RBFOX1: variants seen among roughly 807,000 people sequenced by gnomAD.
The protein encoded by RBFOX1 is RNA binding protein fox-1 homolog 1.
Under a neutral mutation model 57.7 loss-of-function variants are expected in RBFOX1, and 8 were observed. The observed-to-expected ratio is 0.14, with a 90% CI of 0.08 to 0.25. RBFOX1 has a LOEUF of 0.25. RBFOX1 is among the 10% of genes least tolerant of loss of function. RBFOX1 has a pLI of 1.00. For missense variants in RBFOX1, 611 were observed against 548.5 expected, an observed-to-expected ratio of 1.11 and a Z score of -1.14; for synonymous variants, 326 against 222.4, an observed-to-expected ratio of 1.47 and a Z score of -4.15.
chr16:7,650,634 G>A (rs2064848747), intron 11 of RBFOX1, among the ~76,000 whole-genome samples: 1 of 152,148 alleles, frequency 6.6e-6, no homozygotes, highest in African/African-American at 2.4e-5. Context: ...AAGAATTATT[G>A]TAAAAGCTGC....
intron 4 of RBFOX1, among the ~76,000 whole-genome samples, chr16:5,892,733 G>T (rs141959783): frequency 2.0e-5 from 3 of 152,306 alleles, no homozygotes; most frequent in Non-Finnish European, 2.9e-5. Context: ...AGCCTGTCCA[G>T]GGGTAGTGGG....
At chr16:7,649,292 A>G (rs1443397032) in intron 11 of RBFOX1, among the ~76,000 whole-genome samples, 2 of 152,210 alleles carry the variant, frequency 1.3e-5, no homozygotes, top group African/African-American at 2.4e-5. Context: ...CTTAATTACT[A>G]TATTTTGCAA....
chr16:5,995,178 C>G (rs900218339), intron 4 of RBFOX1, among the ~76,000 whole-genome samples: 2 of 152,176 alleles, frequency 1.3e-5, no homozygotes, highest in Non-Finnish European at 2.9e-5. Flanking sequence ...ATTAAATATT[C>G]CTTACCATTA....
chr16:6,914,573 A>AC (rs2153440175), intron 3 of RBFOX1, among the ~76,000 whole-genome samples: 1 of 152,116 alleles, frequency 6.6e-6, no homozygotes, highest in African/African-American at 2.4e-5. Context: ...TAAAAAAAAA[A>AC]ACCCAAAACA....
intron 1 of RBFOX1, among the ~76,000 whole-genome samples, chr16:6,301,961 C>G (rs1433524744): frequency 6.6e-6 from 1 of 152,034 alleles, no homozygotes; most frequent in Non-Finnish European, 1.5e-5. Context: ...GTAAATGCCC[C>G]AATATCAAAC....
At chr16:5,753,310 A>G (rs1233031703) in intron 3 of RBFOX1, among the ~76,000 whole-genome samples, 1 of 152,214 alleles carries the variant, frequency 6.6e-6, no homozygotes, top group Non-Finnish European at 1.5e-5. Context: ...ACTTAAAAAA[A>G]TCCTCATAGG....
rs146588527 is a variant in RBFOX1, at chr16:6,265,450, C to T, written c.-126-51545C>T. ...CTAATTTTTGTATTTGTAGTAGAGACGGGGTTTCACCATGTTGGCCAGGCT... is the reference window on the plus strand; with the variant it reads ...CTAATTTTTGTATTTGTAGTAGAGATGGGGTTTCACCATGTTGGCCAGGCT... On this transcript the variant is annotated intron_variant, in intron 1 of 15. Transcript: ENST00000550418. 3.1e-4 allele frequency among the ~76,000 whole-genome samples: 47 copies of T among 152,064 alleles called. No homozygotes were observed. In the East Asian group the frequency reaches 5.4e-3, roughly 18 times the overall value.
Position 5,499,156 on chromosome 16 carries a change from C to T in RBFOX1, c.258+31902C>T, listed in dbSNP as rs541726788. On this transcript the variant is annotated intron_variant, in intron 2 of 2. Transcript: ENST00000585867. ...TTCATCTTCTGTTCTAGGTCATAAG[C>T]TCTGAGGGTAGAAACTGGCTATATT... Among the ~76,000 whole-genome samples, 13 of 152,302 alleles carry T rather than the reference C, an allele frequency of 8.5e-5. No individual in the cohort carries two copies. In the South Asian group the frequency reaches 2.7e-3, roughly 32 times the overall value.
chr16:6,636,357 A>G (rs1386512193), intron 2 of RBFOX1, among the ~76,000 whole-genome samples: 1 of 151,906 alleles, frequency 6.6e-6, no homozygotes, highest in African/African-American at 2.4e-5. Context: ...TTTTCAGTAG[A>G]GATGGGGTTT....
rs561617055 is a variant in RBFOX1 at position 6,884,525 on chromosome 16, A to G, written c.-15-167532A>G. ...CAAGGAACTGTGTTGATGACATGTT[A>G]CATGTACATCATCTGTTACATTATC... On this transcript the variant is annotated intron_variant, in intron 3 of 15. Coordinates refer to ENST00000550418, the MANE Select transcript of RBFOX1 (RefSeq NM_018723.4). 8.5e-5 allele frequency among the ~76,000 whole-genome samples: 13 copies of G among 152,190 alleles called. 1 individual carries two copies. The highest frequency in any genetic ancestry group is 1.8e-4 in the Non-Finnish European group (12 of 68,022).
At chr16:7,109,309 C>A (rs547723890) in intron 4 of RBFOX1, among the ~76,000 whole-genome samples, 1 of 152,104 alleles carries the variant, frequency 6.6e-6, no homozygotes, top group African/African-American at 2.4e-5. Flanking sequence ...CTCCCTTGAC[C>A]ATGCCGTGAA....
intron 5 of RBFOX1, among the ~76,000 whole-genome samples, chr16:7,565,072 G>T (rs2091349597): frequency 6.6e-6 from 1 of 152,180 alleles, no homozygotes; most frequent in South Asian, 2.1e-4. Context: ...GAAGCTGGGA[G>T]GATCTGCACG....
chr16:5,257,716 G>A (rs935420800), intron 1 of RBFOX1, among the ~76,000 whole-genome samples: 1 of 152,090 alleles, frequency 6.6e-6, no homozygotes, highest in African/African-American at 2.4e-5. Context: ...GACTGAGCTG[G>A]GAGAGTCCCC....
At chr16:7,532,945 T>C (rs539699706) in intron 5 of RBFOX1, among the ~76,000 whole-genome samples, 4 of 152,356 alleles carry the variant, frequency 2.6e-5, no homozygotes, top group African/African-American at 7.2e-5. Context: ...GGCCATTTTA[T>C]TGGACTCACA....
chr16:6,645,921 G>A (rs2098530556), intron 2 of RBFOX1, among the ~76,000 whole-genome samples: 1 of 152,110 alleles, frequency 6.6e-6, no homozygotes, highest in Admixed American at 6.5e-5. Flanking sequence ...GTGTGGTTGA[G>A]TCCGGTAGGA....
intron 4 of RBFOX1, among the ~76,000 whole-genome samples, chr16:7,427,012 G>C (rs1403445214): frequency 6.6e-6 from 1 of 152,314 alleles, no homozygotes; most frequent in East Asian, 1.9e-4. Context: ...ACTATTGAAA[G>C]GACAGAAAAC....
At chr16:6,443,293 C>G (rs116880314) in intron 2 of RBFOX1, among the ~76,000 whole-genome samples, 1 of 152,100 alleles carries the variant, frequency 6.6e-6, no homozygotes, top group African/African-American at 2.4e-5. Flanking sequence ...CTATCTCTCA[C>G]GTTCATTCTC....
Position 5,713,177 on chromosome 16 carries a change from G to A in RBFOX1, c.318+114216G>A, listed in dbSNP as rs145124181. 6.6e-4 allele frequency among the ~76,000 whole-genome samples: 100 copies of A among 152,304 alleles called. 1 individual carries two copies. The highest frequency in any genetic ancestry group is 1.1e-3 in the Non-Finnish European group (77 of 68,024). On this transcript the variant is annotated intron_variant, in intron 3 of 19. Coordinates refer to the RBFOX1 transcript ENST00000641259. ...ATTTCTTGTTCTGTGTAATCATACTGTCTTTTTATTTGCTTAAGCCATTTG... is the reference window on the plus strand; with the variant it reads ...ATTTCTTGTTCTGTGTAATCATACTATCTTTTTATTTGCTTAAGCCATTTG...
rs753217179 is a variant in RBFOX1 at position 6,019,852 on chromosome 16, C to G, written c.-267C>G. The G allele has an allele frequency of 6.5e-7, 1 of 1,530,104 alleles. No individual in the cohort carries two copies. The highest frequency in any genetic ancestry group is 2.5e-5 in the East Asian group (1 of 40,568). 94.8% of individuals were successfully genotyped at this position (1,530,104 alleles called of 1,614,324 possible). A position where few individuals can be genotyped will look rare whatever the true frequency, so the allele number is the denominator to read the frequency against. Reference sequence around the variant, plus strand: ...CGGGGCTGACCTGCCCGCGAAGTTGCGGACAGTGCGTGAGAAACCAGCACC... The same window carrying G: ...CGGGGCTGACCTGCCCGCGAAGTTGGGGACAGTGCGTGAGAAACCAGCACC... On this transcript the variant is annotated 5_prime_UTR_variant, in exon 1 of 16. Coordinates refer to ENST00000550418, the MANE Select transcript of RBFOX1 (RefSeq NM_018723.4). This position sits in a 1 kb window ranked among gnomAD's most constrained non-coding sequence, Gnocchi z 4.2.
Sources: gnomAD v4.1 joint callset for allele counts (sites outside exome capture counted in the v4.1 genomes callset) on GRCh38, gnomAD v4.1.1 for gene constraint, Gnocchi (gnomAD v3.1) non-coding constraint, MANE v1.5 for transcripts, NCBI Gene and HGNC (gene_info 2026-07-23, HGNC 2026-07-21) for gene names.